The following KRTAP2-2 variants were observed in gnomAD, a reference collection of about 807,000 sequenced individuals.
KRTAP2-2 encodes keratin associated protein 2-2, also known as putative keratin-associated protein ENSP00000381495.
KRTAP2-2 carries 3 observed loss-of-function variants against 10.2 expected under a neutral mutation model. The observed-to-expected ratio is 0.29, with a 90% CI of 0.13 to 0.76. The LOEUF (loss-of-function observed/expected upper bound fraction) is 0.76. Among genes scored for constraint, KRTAP2-2 ranks in the 30% least tolerant of loss-of-function variants. The pLI, the probability that KRTAP2-2 is intolerant of heterozygous loss-of-function variation, is 0.67. For missense variants in KRTAP2-2, 54 were observed against 163.6 expected, an observed-to-expected ratio of 0.33 and a Z score of 3.65; for synonymous variants, 20 against 70.8, an observed-to-expected ratio of 0.28 and a Z score of 3.60.
Position 41,054,506 on chromosome 17 carries a change from G to A in KRTAP2-2, c.*334C>T, listed in dbSNP as rs2013033632. On this transcript the variant is annotated 3_prime_UTR_variant, in exon 1 of 1. Transcript: ENST00000398477. Reference sequence around the variant, plus strand: ...TATCACAAAGACCATGATTTCTATGGTAGGAGTATTGAGTTTATTAGAAAG... The same window carrying A: ...TATCACAAAGACCATGATTTCTATGATAGGAGTATTGAGTTTATTAGAAAG... 8.4e-6 allele frequency: 5 copies of A among 595,462 alleles called. No individual in the cohort carries two copies. In the South Asian group the frequency reaches 9.7e-5, roughly 12 times the overall value. 36.9% of individuals were successfully genotyped at this position (595,462 alleles called of 1,614,324 possible). A position where few individuals can be genotyped will look rare whatever the true frequency, so the allele number is the denominator to read the frequency against.
exon 1 of KRTAP2-2, chr17:41,054,612 A>T: frequency 7.8e-7 from 1 of 1,284,224 alleles, no homozygotes; most frequent in Non-Finnish European, 1.0e-6. Flanking sequence ...AGGTGTCTTC[A>T]ATGCATAGTG....
chr17:41,054,632 A>G, exon 1 of KRTAP2-2: 1 of 1,404,416 alleles, frequency 7.1e-7, no homozygotes. Context: ...GTGAGCTAGT[A>G]TGAAGAGATG....
chr17:41,054,542 GA>G, exon 1 of KRTAP2-2: 1 of 671,174 alleles, frequency 1.5e-6, no homozygotes, highest in Non-Finnish European at 2.5e-6. Context: ...CAGACAACAT[GA>G]TATAGGAGTT....
rs1344174158 is a variant in KRTAP2-2, at chr17:41,054,534, GACA to G, written c.*303_*305del. The G allele has an allele frequency of 6.1e-6, 4 of 652,008 alleles. No individual in the cohort carries two copies. In the Admixed American group the frequency reaches 1.2e-4, roughly 20 times the overall value. The allele number at this position is 652,008 out of a possible 1,614,324, so 40.4% of individuals were successfully genotyped here. Reference sequence around the variant, plus strand: ...GGAGTATTGAGTTTATTAGAAAGCAGACAACATGATATAGGAGTTAGACTGGAG... The same window carrying G: ...GGAGTATTGAGTTTATTAGAAAGCAGACATGATATAGGAGTTAGACTGGAG... On this transcript the variant is annotated 3_prime_UTR_variant, in exon 1 of 1. Transcript: ENST00000398477.
At chr17:41,055,210 A>G (rs2013055240) in exon 1 of KRTAP2-2, 1 of 1,413,664 alleles carries the variant, frequency 7.1e-7, no homozygotes, top group Non-Finnish European at 9.2e-7. Flanking sequence ...GGAGCCGGTC[A>G]TGGTGGTGTC....
In KRTAP2-2 at chr17:41,055,214, T is replaced by G. The variant is rs1349613788; in HGVS notation, c.-3A>C. On this transcript the variant is annotated 5_prime_UTR_variant, in exon 1 of 1. Coordinates refer to ENST00000398477, the Ensembl canonical transcript of KRTAP2-2. ...GAGCCGCAGCAGGAGCCGGTCATGGTGGTGTCTGAGGCTGGTGTGGGTTGG... is the reference window on the plus strand; with the variant it reads ...GAGCCGCAGCAGGAGCCGGTCATGGGGGTGTCTGAGGCTGGTGTGGGTTGG... The G allele has an allele frequency of 1.6e-5, 22 of 1,406,912 alleles. No homozygotes were observed. In the East Asian group the frequency reaches 4.3e-4, roughly 27 times the overall value. The allele number at this position is 1,406,912 out of a possible 1,614,324, so 87.2% of individuals were successfully genotyped here.
exon 1 of KRTAP2-2, chr17:41,055,088 G>A (rs1233740268): frequency 1.6e-6 from 2 of 1,285,938 alleles, no homozygotes; most frequent in Non-Finnish European, 2.1e-6. Flanking sequence ...GTCACGGGGC[G>A]GCACACGGTG....
Position 41,055,205 on chromosome 17 carries a change from C to T in KRTAP2-2, c.7G>A (p.Gly3Ser), listed in dbSNP as rs776974889. 233 of 1,417,306 alleles carry T rather than the reference C, an allele frequency of 1.6e-4. No individual in the cohort carries two copies. Among genetic ancestry groups the T allele is most frequent in the Non-Finnish European group, 2.0e-4 (216 of 1,084,538 alleles). The allele number at this position is 1,417,306 out of a possible 1,614,324, so 87.8% of individuals were successfully genotyped here. ...GAGAAGGTGGAGCCGCAGCAGGAGCCGGTCATGGTGGTGTCTGAGGCTGGT... is the reference window on the plus strand; with the variant it reads ...GAGAAGGTGGAGCCGCAGCAGGAGCTGGTCATGGTGGTGTCTGAGGCTGGT... Residue 3 changes from glycine to serine, a missense_variant, in exon 1 of 1, where the codon GGC (glycine) becomes AGC (serine). Coordinates refer to ENST00000398477, the Ensembl canonical transcript of KRTAP2-2.
At chr17:41,054,701 G>A (rs535449695) in exon 1 of KRTAP2-2, 6 of 1,534,698 alleles carry the variant, frequency 3.9e-6, no homozygotes, top group African/African-American at 2.7e-5. Flanking sequence ...GAGGGGCAGC[G>A]GGATGGACCT....
exon 1 of KRTAP2-2, chr17:41,055,171 C>T: frequency 7.2e-7 from 1 of 1,396,672 alleles, no homozygotes; most frequent in Non-Finnish European, 9.4e-7. Context: ...TCCCCCGTAG[C>T]TCAGGGAGGA....
exon 1 of KRTAP2-2, chr17:41,054,588 T>C (rs966939794): frequency 1.0e-6 from 1 of 988,128 alleles, no homozygotes; most frequent in Non-Finnish European, 1.4e-6. Flanking sequence ...TTCTCATCTG[T>C]GGTTGGTCTG....
At chr17:41,054,685 A>C in exon 1 of KRTAP2-2, 1 of 1,528,366 alleles carries the variant, frequency 6.5e-7, no homozygotes, top group Non-Finnish European at 8.8e-7. Context: ...TCTGCGGTGA[A>C]GCCCTGAGGG....
exon 1 of KRTAP2-2, chr17:41,054,658 A>C: frequency 6.7e-7 from 1 of 1,496,834 alleles, no homozygotes. Context: ...TGGGCTTCTC[A>C]AGGAAACGTG....
At chr17:41,055,200 G>C (rs1324030073) in exon 1 of KRTAP2-2, 3 of 1,421,960 alleles carry the variant, frequency 2.1e-6, no homozygotes, top group Admixed American at 5.7e-5. Flanking sequence ...AGCCGCAGCA[G>C]GAGCCGGTCA....
exon 1 of KRTAP2-2, chr17:41,054,690 T>TGA: frequency 6.5e-7 from 1 of 1,531,398 alleles, no homozygotes; most frequent in South Asian, 1.2e-5. Flanking sequence ...GGTGAAGCCC[T>TGA]GAGGGGCAGC....
At position 41,055,076 on chromosome 17, in the gene KRTAP2-2, AGGTCACGGGGC is replaced by A; in HGVS notation, c.125_135del (p.Arg42LeufsTer156). ...ATGGGGCGCGTGCAGCGGGGCACGC[AGGTCACGGGGC>A]GGCACACGGTGGTCTGGCAGGTCAC... is the stretch of plus-strand genomic sequence containing the variant. On this transcript the variant is annotated frameshift_variant, in exon 1 of 1. Coordinates refer to ENST00000398477, the Ensembl canonical transcript of KRTAP2-2. LOFTEE classifies it high-confidence loss of function. 1 of 1,249,352 alleles carries A rather than the reference AGGTCACGGGGC, an allele frequency of 8.0e-7. No homozygotes were observed. Among genetic ancestry groups the A allele is most frequent in the Non-Finnish European group, 1.1e-6 (1 of 934,960 alleles). The allele number at this position is 1,249,352 out of a possible 1,614,324, so 77.4% of individuals were successfully genotyped here.
At chr17:41,055,006 A>G (rs918792440) in exon 1 of KRTAP2-2, 78 of 1,104,754 alleles carry the variant, frequency 7.1e-5, no homozygotes, top group Middle Eastern at 5.8e-4. Flanking sequence ...GCCTTCCTGC[A>G]GGGAGCAGGG....
At chr17:41,055,061 T>C in exon 1 of KRTAP2-2, 2 of 1,204,238 alleles carry the variant, frequency 1.7e-6, no homozygotes, top group Non-Finnish European at 2.2e-6. Context: ...ATGGGGCGCG[T>C]GCAGCGGGGC....
At chr17:41,054,723 G>T in exon 1 of KRTAP2-2, 1 of 1,538,504 alleles carries the variant, frequency 6.5e-7, no homozygotes, top group South Asian at 1.2e-5. Context: ...GCCATCTTCT[G>T]AGGGGCCCTT....
Sources: allele counts gnomAD v4.1 joint callset, GRCh38; gene constraint gnomAD v4.1.1; transcripts MANE v1.5; gene names NCBI Gene and HGNC (gene_info 2026-07-23, HGNC 2026-07-21).